TRHDE: variants seen among roughly 807,000 people sequenced by gnomAD.
The protein encoded by TRHDE is thyrotropin-releasing hormone-degrading ectoenzyme.
Under a neutral mutation model 125.7 loss-of-function variants are expected in TRHDE, and 72 were observed. That is an observed-to-expected ratio of 0.57 (90% CI 0.47 to 0.70). TRHDE has a LOEUF of 0.70. TRHDE is among the 30% of genes least tolerant of loss of function. The pLI is 0.00. For missense variants in TRHDE, 1,110 were observed against 1,327.1 expected (o/e 0.84, Z 2.54); for synonymous variants, 509 against 509.1 (o/e 1.00, Z 0.00).
intron 2 of TRHDE, among the ~76,000 whole-genome samples, chr12:72,160,983 T>G (rs548844941): frequency 2.0e-5 from 3 of 152,322 alleles, no homozygotes; most frequent in African/African-American, 7.2e-5. Flanking sequence ...CCAGAGATTT[T>G]TTGGTTTGTT....
In TRHDE at chr12:72,503,552, A is replaced by G. The variant is rs546114223; in HGVS notation, c.1722+3917A>G. 1.5e-3 allele frequency among the ~76,000 whole-genome samples: 224 copies of G among 152,336 alleles called. 1 individual carries two copies. The highest frequency in any genetic ancestry group is 5.0e-3 in the African/African-American group (206 of 41,580). On this transcript the variant is annotated intron_variant, in intron 6 of 18. Transcript: ENST00000261180. ...ATTTCCATATTAAATGTTGACACCT[A>G]CCTGAAGTCATCTTAAGCCATTTAT... is the stretch of plus-strand genomic sequence containing the variant.
At chr12:72,104,545 T>C (rs1875139355) in intron 1 of TRHDE, among the ~76,000 whole-genome samples, 1 of 152,194 alleles carries the variant, frequency 6.6e-6, no homozygotes. Context: ...TCCTTAACAA[T>C]TTATGTTCAA....
intron 2 of TRHDE, among the ~76,000 whole-genome samples, chr12:72,137,809 A>G (rs533775753): frequency 6.6e-6 from 1 of 152,364 alleles, no homozygotes; most frequent in African/African-American, 2.4e-5. Context: ...CATAAGAAAC[A>G]GTAGTTTTGA....
At chr12:72,570,986 C>CCTGAAATGTTTT (rs112149285) in intron 10 of TRHDE, among the ~76,000 whole-genome samples, 60,763 of 151,678 alleles carry the variant, frequency 0.4, 14,615 homozygotes, top group African/African-American at 0.67. Flanking sequence ...GATAATGTTT[C>CCTGAAATGTTTT]CTGAAAATTT....
At chr12:72,378,261 C>A in intron 3 of TRHDE, 140 bp downstream of exon 3, 4 of 832,214 alleles carry the variant, frequency 4.8e-6, no homozygotes, top group South Asian at 2.8e-5. Context: ...AAAAAAATTT[C>A]TTTTGAAGAG....
In TRHDE at chr12:72,578,984, G is replaced by GTTCTT. The variant is rs1555199427; in HGVS notation, c.2321+3444_2321+3445insCTTTT. On this transcript the variant is annotated intron_variant, in intron 12 of 18. Coordinates refer to ENST00000261180, the MANE Select transcript of TRHDE (RefSeq NM_013381.3). ...TCTTTACACTTTCTTACTGTTTAGTGTTTTTTTTTTTTTTATGAACAGAAA... is the reference window on the plus strand; with the variant it reads ...TCTTTACACTTTCTTACTGTTTAGTGTTCTTTTTTTTTTTTTTTTATGAACAGAAA... Among the ~76,000 whole-genome samples, 6 of 135,936 alleles carry GTTCTT rather than the reference G, an allele frequency of 4.4e-5. No homozygotes were observed. In the East Asian group the frequency reaches 8.4e-4, roughly 19 times the overall value. The allele number at this position is 135,936 out of a possible 152,430, so 89.2% of individuals were successfully genotyped here.
intron 2 of TRHDE, among the ~76,000 whole-genome samples, chr12:72,134,425 C>T (rs758165012): frequency 6.6e-5 from 10 of 152,090 alleles, no homozygotes; most frequent in Admixed American, 5.9e-4. Context: ...TGGAAAAATC[C>T]ACGCCAGCCC....
chr12:72,089,630 C>T lies in TRHDE; in HGVS notation n.174+2191C>T, dbSNP rs375752556. ...TCAAATCATACCTTCTTAATGAAGC[C>T]CATGCTGATGACCCCATTTAACAAT... On this transcript the variant is annotated intron_variant and non_coding_transcript_variant, in intron 1 of 4. Transcript: ENST00000548156. 9.2e-5 allele frequency among the ~76,000 whole-genome samples: 14 copies of T among 152,232 alleles called. No individual in the cohort carries two copies. The East Asian group carries it at 2.7e-3, about 29-fold the overall frequency.
chr12:72,104,203 C>G (rs1248418654), intron 1 of TRHDE, among the ~76,000 whole-genome samples: 1 of 152,172 alleles, frequency 6.6e-6, no homozygotes, highest in East Asian at 1.9e-4. Context: ...TTTACCTGCA[C>G]TGGGCCTGGT....
At chr12:72,506,284 C>A (rs796093261) in intron 6 of TRHDE, among the ~76,000 whole-genome samples, 1 of 152,072 alleles carries the variant, frequency 6.6e-6, no homozygotes, top group South Asian at 2.1e-4. Context: ...GCACTCCAGC[C>A]TGGACAAGAG....
At chr12:72,449,126 A>G (rs906365283) in intron 3 of TRHDE, among the ~76,000 whole-genome samples, 1 of 152,070 alleles carries the variant, frequency 6.6e-6, no homozygotes, top group African/African-American at 2.4e-5. Context: ...TTTATGGCAG[A>G]GCACATTTTG....
intron 3 of TRHDE, among the ~76,000 whole-genome samples, chr12:72,468,356 T>C (rs1021347343): frequency 2.6e-5 from 4 of 152,238 alleles, no homozygotes; most frequent in African/African-American, 7.2e-5. Context: ...TGCTGTGTAA[T>C]ATTCCTTTAT....
chr12:72,140,835 A>G (rs1876094695), intron 2 of TRHDE, among the ~76,000 whole-genome samples: 1 of 152,200 alleles, frequency 6.6e-6, no homozygotes, highest in Non-Finnish European at 1.5e-5. Flanking sequence ...AGCCAATAAA[A>G]ATAGTGTAAC....
chr12:72,241,392 G>A (rs1878480647), intron 2 of TRHDE, among the ~76,000 whole-genome samples: 1 of 152,044 alleles, frequency 6.6e-6, no homozygotes, highest in Non-Finnish European at 1.5e-5. Context: ...CATGTAAATG[G>A]AATCTATATT....
In TRHDE at chr12:72,273,840, C is replaced by T; in HGVS notation, c.914+283C>T. ...TCCTCTTCCTGTCAGAGTTCCTTAG[C>T]CATCGAAACGCAGGGCTCTTTTTCT... On this transcript the variant is annotated intron_variant, in intron 1 of 18. Coordinates refer to ENST00000261180, the MANE Select transcript of TRHDE (RefSeq NM_013381.3). This position sits in a 1 kb window ranked among gnomAD's most constrained non-coding sequence, Gnocchi z 5.3. 5.1e-6 allele frequency: 2 copies of T among 391,468 alleles called. No individual in the cohort carries two copies. Among genetic ancestry groups the T allele is most frequent in the Non-Finnish European group, 9.2e-6 (2 of 217,578 alleles). 24.2% of individuals were successfully genotyped at this position (391,468 alleles called of 1,614,324 possible).
chr12:72,111,548 GGA>G (rs1166428817), intron 2 of TRHDE, among the ~76,000 whole-genome samples: 12 of 152,246 alleles, frequency 7.9e-5, no homozygotes, highest in African/African-American at 2.6e-4. Context: ...AAGGTCTGAG[GGA>G]GAGAAATGAC....
chr12:72,091,446 A>G (rs1874788635), intron 1 of TRHDE, among the ~76,000 whole-genome samples: 1 of 152,182 alleles, frequency 6.6e-6, no homozygotes, highest in Non-Finnish European at 1.5e-5. Context: ...GAAAAATCAA[A>G]ATGCTTTTCT....
chr12:72,653,412 C>T (rs2136110887), intron 17 of TRHDE, among the ~76,000 whole-genome samples: 1 of 152,128 alleles, frequency 6.6e-6, no homozygotes, highest in African/African-American at 2.4e-5. Context: ...AGCAACTTTC[C>T]TGGAAAATCT....
intron 3 of TRHDE, among the ~76,000 whole-genome samples, chr12:72,392,583 A>G (rs963198923): frequency 1.1e-4 from 17 of 152,168 alleles, no homozygotes; most frequent in African/African-American, 3.9e-4. Flanking sequence ...AAACTATACA[A>G]TCTCAGTTAC....
Sources: allele counts gnomAD v4.1 joint callset (sites outside exome capture counted in the v4.1 genomes callset), GRCh38; gene constraint gnomAD v4.1.1; non-coding constraint Gnocchi (gnomAD v3.1); transcripts MANE v1.5; gene names NCBI Gene and HGNC (gene_info 2026-07-23, HGNC 2026-07-21).